Variants in TSG101 observed in about 807,000 individuals in gnomAD.
TSG101 encodes tumor susceptibility gene 101 protein.
Under a neutral mutation model 48.5 loss-of-function variants are expected in TSG101, and 19 were observed. The ratio of observed to expected loss-of-function variants is 0.39; its 90% CI spans 0.27 to 0.58. TSG101 has a LOEUF of 0.58. Ranked by LOEUF, TSG101 falls within the 20% of genes least tolerant of loss-of-function variation. The pLI is 0.55. For synonymous variants in TSG101, 174 were observed against 169.4 expected (o/e 1.03, Z -0.21); for missense variants, 365 against 484.4 (o/e 0.75, Z 2.31).
intron 6 of TSG101, among the ~76,000 whole-genome samples, chr11:18,503,776 A>G (rs1307221484): frequency 6.6e-6 from 1 of 152,222 alleles, no homozygotes; most frequent in Non-Finnish European, 1.5e-5. Context: ...TACAACGAAG[A>G]AGAAAATTAG....
rs199800915 is a variant in TSG101, at chr11:18,480,660, A to G, written c.1084-25T>C. 3.1e-3 allele frequency: 4,995 copies of G among 1,604,732 alleles called. 11 individuals carry two copies. The highest frequency in any genetic ancestry group is 3.9e-3 in the Non-Finnish European group (4,574 of 1,173,022). The stretch of plus-strand genomic sequence containing the variant: ...GCTGGGAGGGGAGAAAAGTTTGAAT[A>G]GTTTAGAATGGCTTTGATTTAGGCC... On this transcript the variant is annotated intron_variant, in intron 9 of 9. Coordinates refer to ENST00000251968, the MANE Select transcript of TSG101 (RefSeq NM_006292.4).
intron 4 of TSG101, among the ~76,000 whole-genome samples, chr11:18,513,270 A>C (rs1850118394): frequency 6.6e-6 from 1 of 151,614 alleles, no homozygotes; most frequent in South Asian, 2.1e-4. Flanking sequence ...CATATCTCTT[A>C]AGGTGGGAAA....
chr11:18,516,263 G>C (rs1850171007), intron 2 of TSG101, 99 bp from the exon 3 acceptor site: 1 of 1,005,968 alleles, frequency 9.9e-7, no homozygotes, highest in African/African-American at 1.6e-5. Flanking sequence ...CATTATCCTT[G>C]AAAGGGGCTG....
At chr11:18,514,602 G>A in intron 4 of TSG101, 76 bp downstream of exon 4, 1 of 1,256,162 alleles carries the variant, frequency 8.0e-7, no homozygotes, top group Non-Finnish European at 1.1e-6. Context: ...TCCTCCTTGA[G>A]TGCTAAAAGA....
At chr11:18,486,509 A>G (rs1194395195) in intron 7 of TSG101, among the ~76,000 whole-genome samples, 1 of 152,204 alleles carries the variant, frequency 6.6e-6, no homozygotes, top group Admixed American at 6.5e-5. Context: ...CAAAAGACAC[A>G]TGAAAAAATG....
intron 1 of TSG101, among the ~76,000 whole-genome samples, chr11:18,522,127 TTCTC>T (rs980408294): frequency 6.6e-6 from 1 of 152,216 alleles, no homozygotes; most frequent in Non-Finnish European, 1.5e-5. Context: ...CTTGGTCTTC[TTCTC>T]TATCTAAACT....
intron 5 of TSG101, among the ~76,000 whole-genome samples, chr11:18,509,196 A>C (rs1332067565): frequency 6.6e-6 from 1 of 152,266 alleles, no homozygotes; most frequent in Non-Finnish European, 1.5e-5. Context: ...AAGAGAAAGG[A>C]GAGGTCAGAC....
chr11:18,506,265 G>A (rs1849970298), intron 6 of TSG101, among the ~76,000 whole-genome samples: 1 of 151,800 alleles, frequency 6.6e-6, no homozygotes. Context: ...ATCTCAATTG[G>A]TTTTTGATCT....
rs1215354982 is a variant in TSG101 at position 18,519,573 on chromosome 11, T to C, written c.73A>G (p.Thr25Ala). The change falls in exon 2 of 10, where the codon ACT (threonine) becomes GCT (alanine). Residue 25 changes from threonine to alanine, a missense_variant. Coordinates refer to ENST00000251968, the MANE Select transcript of TSG101 (RefSeq NM_006292.4). Reference sequence around the variant, plus strand: ...TTGTATAGAGTAATAACATTGACAGTTTCACGTACAGTTAGGTCTCTGTAT... The same window carrying C: ...TTGTATAGAGTAATAACATTGACAGCTTCACGTACAGTTAGGTCTCTGTAT... ...YKYRDLTVRETVNVITLYKDL... is the reference protein window; with the variant it reads ...YKYRDLTVREAVNVITLYKDL... The C allele has an allele frequency of 9.9e-6, 16 of 1,612,850 alleles. No individual in the cohort carries two copies. The highest frequency in any genetic ancestry group is 1.3e-5 in the Non-Finnish European group (15 of 1,179,670).
intron 6 of TSG101, among the ~76,000 whole-genome samples, chr11:18,504,338 GTCC>G (rs1849935719): frequency 6.6e-6 from 1 of 150,518 alleles, no homozygotes; most frequent in African/African-American, 2.4e-5. Flanking sequence ...TTTATAACTT[GTCC>G]TCAACTAAGT....
chr11:18,514,938 A>G, intron 3 of TSG101, 97 bp from the exon 4 acceptor site: 1 of 1,148,644 alleles, frequency 8.7e-7, no homozygotes. Context: ...TACAATTTAT[A>G]CATATATCCG....
At position 18,480,619 on chromosome 11, in the gene TSG101, G is replaced by T; in HGVS notation, c.1100C>A (p.Ser367Tyr). ...DVFLKHVRLL[S>Y]RKQFQLRALM... is the part of the protein sequence containing the mutation. ...TGCCCTCAGCTGGAACTGTTTACGG[G>T]ACAGAAGACGTACATGCTGGGAGGG... The change falls in exon 10 of 10, where the codon TCC (serine) becomes TAC (tyrosine). Residue 367 changes from serine (S) to tyrosine (Y), a missense_variant. By Grantham distance (144) the Ser-to-Tyr change is moderately radical. Coordinates refer to ENST00000251968, the MANE Select transcript of TSG101 (RefSeq NM_006292.4). 6.2e-7 allele frequency: 1 copy of T among 1,613,850 alleles called. No homozygotes were observed. The highest frequency in any genetic ancestry group is 8.5e-7 in the Non-Finnish European group (1 of 1,179,896).
At chr11:18,509,012 A>G (rs917817823) in intron 5 of TSG101, among the ~76,000 whole-genome samples, 3 of 152,206 alleles carry the variant, frequency 2.0e-5, no homozygotes, top group African/African-American at 7.2e-5. Flanking sequence ...TTAGGGGAGA[A>G]GCAACACTCT....
chr11:18,499,402 A>ATATATATATATATTTTTTTTTTTTTT, intron 7 of TSG101, among the ~76,000 whole-genome samples: 1 of 5,454 alleles, frequency 1.8e-4, no homozygotes, highest in African/African-American at 5.0e-4. Flanking sequence ...ATATATATAT[A>ATATATATATATATTTTTTTTTTTTTT]TTTTTTTTTT....
At chr11:18,493,974 C>A (rs539804206) in intron 7 of TSG101, among the ~76,000 whole-genome samples, 2 of 152,072 alleles carry the variant, frequency 1.3e-5, no homozygotes, top group Non-Finnish European at 2.9e-5. Context: ...CAGAAAAATG[C>A]GCTTTACTTG....
rs577897587 is a variant in TSG101 at position 18,500,251 on chromosome 11, A to G, written c.640+2235T>C. 2.6e-5 allele frequency among the ~76,000 whole-genome samples: 4 copies of G among 152,332 alleles called. 1 individual carries two copies. Among genetic ancestry groups the G allele is most frequent in the Middle Eastern group, 6.8e-3 (2 of 294 alleles). On this transcript the variant is annotated intron_variant, in intron 7 of 9. Transcript: ENST00000251968. ...GCTGATAAATATTTAGGTTCACTCC[A>G]TATCTTAGCTAGTATGAATACTGTT... is the stretch of plus-strand genomic sequence containing the variant.
intron 2 of TSG101, among the ~76,000 whole-genome samples, chr11:18,519,066 T>C (rs1850226006): frequency 6.6e-6 from 1 of 152,134 alleles, no homozygotes; most frequent in African/African-American, 2.4e-5. Flanking sequence ...AGTGGCCCGA[T>C]CTCGGCTCAC....
At chr11:18,512,723 ATTTTTTT>A (rs776263228) in intron 4 of TSG101, among the ~76,000 whole-genome samples, 6 of 120,372 alleles carry the variant, frequency 5.0e-5, no homozygotes, top group African/African-American at 1.2e-4. Context: ...GGACAGACAG[ATTTTTTT>A]TTTTTTTTTT....
intron 9 of TSG101, 77 bp from the exon 10 acceptor site, chr11:18,480,712 C>T (rs1849519092): frequency 3.7e-6 from 5 of 1,350,304 alleles, no homozygotes; most frequent in Non-Finnish European, 5.2e-6. Context: ...AATTTGTAAC[C>T]TAGATGGGAT....
Sources: allele counts gnomAD v4.1 joint callset (sites outside exome capture counted in the v4.1 genomes callset), GRCh38; gene constraint gnomAD v4.1.1; transcripts MANE v1.5; gene names NCBI Gene and HGNC (gene_info 2026-07-23, HGNC 2026-07-21).